Variants in LRRFIP2 observed in about 807,000 individuals in gnomAD.
The protein encoded by LRRFIP2 is leucine-rich repeat flightless-interacting protein 2.
A neutral mutation model predicts 125.9 loss-of-function variants in LRRFIP2; 109 were observed. The observed-to-expected ratio is 0.87, with a 90% confidence interval of 0.74 to 1.01. LRRFIP2 has a LOEUF of 1.01. Among genes scored for constraint, LRRFIP2 ranks in the 50% least tolerant of loss-of-function variants. The pLI is 0.00. For missense variants in LRRFIP2, 850 were observed against 862.3 expected (o/e 0.99, Z 0.18); for synonymous variants, 291 against 293.1 (o/e 0.99, Z 0.07).
At position 37,109,509 on chromosome 3, in the gene LRRFIP2, G is replaced by A; in HGVS notation, c.609+18C>T. On this transcript the variant is annotated intron_variant, in intron 11 of 27. Transcript: ENST00000336686. ...GACCCCACCAGCACTGCACACACTG[G>A]AAGAGGAAAATACAAACCAGACTGG... 6.2e-7 allele frequency: 1 copy of A among 1,613,802 alleles called. No homozygotes were observed. The highest frequency in any genetic ancestry group is 8.5e-7 in the Non-Finnish European group (1 of 1,179,758).
intron 1 of LRRFIP2, chr3:37,172,926 C>G (rs1352405803): frequency 6.6e-6 from 1 of 152,206 alleles, no homozygotes; most frequent in Non-Finnish European, 1.5e-5. Flanking sequence ...GGCGTGGTGG[C>G]TCATCCCTGT....
At chr3:37,088,326 C>T (rs900922549) in intron 18 of LRRFIP2, among the ~76,000 whole-genome samples, 3 of 152,086 alleles carry the variant, frequency 2.0e-5, no homozygotes, top group Non-Finnish European at 4.4e-5. Context: ...GAAGTTAAAG[C>T]TATTTCTCTC....
chr3:37,079,850 T>C (rs1277222768), intron 19 of LRRFIP2, among the ~76,000 whole-genome samples: 1 of 152,164 alleles, frequency 6.6e-6, no homozygotes, highest in African/African-American at 2.4e-5. Context: ...ATATGACTCC[T>C]TTCATATGAG....
At chr3:37,081,510 G>A (rs1174333981) in intron 19 of LRRFIP2, among the ~76,000 whole-genome samples, 1 of 152,078 alleles carries the variant, frequency 6.6e-6, no homozygotes, top group Non-Finnish European at 1.5e-5. Context: ...GTTAGAAAGA[G>A]ATACTGTCAC....
intron 27 of LRRFIP2, 65 bp from the exon 28 acceptor site, chr3:37,054,026 TCAACTTCCTGGGAAATGAAA>T: frequency 1.0e-6 from 1 of 979,356 alleles, no homozygotes; most frequent in East Asian, 2.4e-5. Context: ...TACTCTATTT[TCAACTTCCTGGGAAATGAAA>T]GCACTGCTAA....
At chr3:37,110,384 G>T (rs560909073) in intron 9 of LRRFIP2, among the ~76,000 whole-genome samples, 2 of 152,288 alleles carry the variant, frequency 1.3e-5, no homozygotes, top group Admixed American at 1.3e-4. Context: ...TGAAAAATAA[G>T]AGTACTTAAG....
intron 2 of LRRFIP2, among the ~76,000 whole-genome samples, chr3:37,145,333 C>T (rs914368912): frequency 6.6e-6 from 1 of 152,102 alleles, no homozygotes; most frequent in African/African-American, 2.4e-5. Context: ...TTATACAACC[C>T]AATAAACAGT....
chr3:37,119,186 T>C (rs11707406), intron 6 of LRRFIP2, among the ~76,000 whole-genome samples: 53,958 of 151,984 alleles, frequency 0.36, 10,690 homozygotes, highest in Non-Finnish European at 0.45. Flanking sequence ...ATTTTTACAT[T>C]TATACATTGA....
In LRRFIP2 at chr3:37,108,116, C is replaced by T. The variant is rs746886262; in HGVS notation, c.671G>A (p.Ser224Asn). The T allele has an allele frequency of 6.2e-7, 1 of 1,613,772 alleles. No homozygotes were observed. Among genetic ancestry groups the T allele is most frequent in the Non-Finnish European group, 8.5e-7 (1 of 1,179,684 alleles). Residue 224 changes from serine (S) to asparagine (N), a missense_variant, in exon 13 of 28, where the codon AGT (serine) becomes AAT (asparagine). Coordinates refer to ENST00000336686, the MANE Select transcript of LRRFIP2 (RefSeq NM_006309.4). Reference sequence around the variant, plus strand: ...TGAACTTATTCTTGATGAATAATAACTGCATTCAGATGGCTATAAAGTTTC... The same window carrying T: ...TGAACTTATTCTTGATGAATAATAATTGCATTCAGATGGCTATAAAGTTTC... ...PYGPRTPSEC[S>N]YYSSRISSAR...
At chr3:37,080,856 A>AT (rs1386103336) in intron 19 of LRRFIP2, among the ~76,000 whole-genome samples, 1 of 152,192 alleles carries the variant, frequency 6.6e-6, no homozygotes, top group Non-Finnish European at 1.5e-5. Context: ...CTGGATCCCG[A>AT]TTTTTTTAAG....
rs2086036697 is a variant in LRRFIP2, at chr3:37,053,862, C to T, written c.2155G>A (p.Ala719Thr). Reference protein sequence around the residue: ...KMKANRTALLAQQ With the variant: ...KMKANRTALLTQQ ...GAAGGGTGGTTTTCCTACTGCTGGG[C>T]CAGAAGTGCTGTCCTATTGGCCTTC... Residue 719 changes from alanine to threonine, a missense_variant, in exon 28 of 28, where the codon GCC becomes ACC. Transcript: ENST00000336686. 1 of 1,613,530 alleles carries T rather than the reference C, an allele frequency of 6.2e-7. No homozygotes were observed. Among genetic ancestry groups the T allele is most frequent in the East Asian group, 2.2e-5 (1 of 44,882 alleles).
intron 2 of LRRFIP2, chr3:37,134,593 G>A: frequency 1.9e-6 from 1 of 534,438 alleles, no homozygotes; most frequent in Non-Finnish European, 3.7e-6. Context: ...GGGATAACCA[G>A]GAGTTTTGGC....
At chr3:37,067,755 T>C (rs1476970697) in intron 21 of LRRFIP2, 1 of 152,244 alleles carries the variant, frequency 6.6e-6, no homozygotes, top group African/African-American at 2.4e-5. Flanking sequence ...TGTGAGGTAC[T>C]TGTATTATCC....
At chr3:37,136,982 G>C (rs1247006175) in intron 2 of LRRFIP2, among the ~76,000 whole-genome samples, 1 of 124,576 alleles carries the variant, frequency 8.0e-6, no homozygotes, top group East Asian at 2.8e-4. Flanking sequence ...GTGGGGGGGG[G>C]GCGGGGACAG....
intron 2 of LRRFIP2, among the ~76,000 whole-genome samples, chr3:37,132,967 T>C (rs2149739367): frequency 6.6e-6 from 1 of 152,354 alleles, no homozygotes; most frequent in East Asian, 1.9e-4. Context: ...CTCACGCCTG[T>C]AATCTCAGCA....
upstream of LRRFIP2, chr3:37,176,264 C>T (rs1000340003): frequency 6.6e-6 from 1 of 152,266 alleles, no homozygotes. Flanking sequence ...GCCCTCTGCG[C>T]CGCGGCTGAG....
rs555038788 is a variant in LRRFIP2, at chr3:37,170,500, G to C, written c.-56+4039C>G. The stretch of plus-strand genomic sequence containing the variant: ...ACTATATAGTACCACAGGAAAAGCA[G>C]AATGAGAATTTGGGAAGAAGCTAAT... On this transcript the variant is annotated intron_variant, in intron 1 of 27. Coordinates refer to ENST00000336686, the MANE Select transcript of LRRFIP2 (RefSeq NM_006309.4). 27 of 152,338 alleles carry C rather than the reference G, an allele frequency of 1.8e-4. 1 individual carries two copies. The highest frequency in any genetic ancestry group is 6.3e-4 in the African/African-American group (26 of 41,578). 9.4% of individuals were successfully genotyped at this position (152,338 alleles called of 1,614,324 possible).
chr3:37,161,869 T>C (rs2362826), intron 1 of LRRFIP2, among the ~76,000 whole-genome samples: 68,744 of 150,158 alleles, frequency 0.46, 16,444 homozygotes, highest in African/African-American at 0.49. Context: ...CCATAGGGAC[T>C]AACGTTCAAA....
chr3:37,150,440 C>A (rs1232137258), intron 1 of LRRFIP2, among the ~76,000 whole-genome samples: 1 of 152,028 alleles, frequency 6.6e-6, no homozygotes, highest in Non-Finnish European at 1.5e-5. Context: ...CCAGCCTGGG[C>A]AACAAGAGAG....
Sources: allele counts gnomAD v4.1 joint callset (sites outside exome capture counted in the v4.1 genomes callset), GRCh38; gene constraint gnomAD v4.1.1; transcripts MANE v1.5; gene names NCBI Gene and HGNC (gene_info 2026-07-23, HGNC 2026-07-21).